The following CACNA2D1 variants were observed in gnomAD, a reference collection of about 807,000 sequenced individuals.
CACNA2D1 encodes calcium voltage-gated channel auxiliary subunit alpha2delta 1, also known as voltage-dependent calcium channel subunit alpha-2/delta-1.
A neutral mutation model predicts 171.5 loss-of-function variants in CACNA2D1; 53 were observed. The observed-to-expected ratio is 0.31, with a 90% CI of 0.25 to 0.39. The LOEUF is 0.39. Among genes scored for constraint, CACNA2D1 ranks in the 10% least tolerant of loss-of-function variants. The probability of loss-of-function intolerance (pLI) is 1.00; values close to 1 mark genes in which losing one functional copy is unlikely to be tolerated. For synonymous variants in CACNA2D1, 442 were observed against 443.1 expected (o/e 1.00, Z 0.03); for missense variants, 903 against 1,299.8 (o/e 0.69, Z 4.69).
At chr7:81,961,250 C>T (rs1307003515) in intron 36 of CACNA2D1, among the ~76,000 whole-genome samples, 1 of 151,978 alleles carries the variant, frequency 6.6e-6, no homozygotes, top group Non-Finnish European at 1.5e-5. Context: ...AAATCCCCAT[C>T]TTGCCTTTCT....
chr7:82,120,770 G>C lies in CACNA2D1; in HGVS notation c.397-3597C>G, dbSNP rs150232638. Among the ~76,000 whole-genome samples the C allele has an allele frequency of 8.0e-3, 1,215 of 151,554 alleles. 12 individuals carry two copies. Among genetic ancestry groups the C allele is most frequent in the African/African-American group, 0.028 (1,155 of 41,260 alleles). ...CATGCCTGTAGTCCCAGCTACTCGG[G>C]AGGCTGAGGCAGGAGAATCACTTGA... On this transcript the variant is annotated intron_variant, in intron 5 of 38. Transcript: ENST00000356860.
In CACNA2D1 at chr7:82,181,040, GATTT is replaced by G. The variant is rs1205063319; in HGVS notation, c.295-10435_295-10432del. Among the ~76,000 whole-genome samples the G allele has an allele frequency of 1.5e-4, 7 of 45,976 alleles. No individual in the cohort carries two copies. The East Asian group carries it at 3.0e-3, about 20-fold the overall frequency. The allele number at this position is 45,976 out of a possible 152,430, so 30.2% of individuals were successfully genotyped here. On this transcript the variant is annotated intron_variant, in intron 3 of 38. Transcript: ENST00000356860. ...TGGTCAGCAGCTGTGGGGCATGTCG[GATTT>G]TTTTTTTTTTTTTTTTTTTTTTTTT...
At chr7:82,353,035 A>C (rs1820034385) in intron 1 of CACNA2D1, among the ~76,000 whole-genome samples, 1 of 152,218 alleles carries the variant, frequency 6.6e-6, no homozygotes, top group Admixed American at 6.5e-5. Flanking sequence ...AAGATCATGT[A>C]AATGTATGTA....
intron 1 of CACNA2D1, among the ~76,000 whole-genome samples, chr7:82,375,085 G>A (rs1366752965): frequency 6.6e-6 from 1 of 152,070 alleles, no homozygotes; most frequent in East Asian, 1.9e-4. Flanking sequence ...AATTTCAAAT[G>A]AAAAATTGGC....
chr7:81,976,464 C>A (rs796270341), intron 24 of CACNA2D1, among the ~76,000 whole-genome samples: 2 of 152,170 alleles, frequency 1.3e-5, no homozygotes, highest in African/African-American at 4.8e-5. Flanking sequence ...TCACACACAT[C>A]CCTTTTAAGT....
chr7:82,321,994 CG>C (rs1298046936), intron 3 of CACNA2D1, among the ~76,000 whole-genome samples: 1 of 149,278 alleles, frequency 6.7e-6, no homozygotes, highest in African/African-American at 2.4e-5. Context: ...GGCGTAGTGG[CG>C]GGCGCCTGTA....
chr7:82,042,520 T>A lies in CACNA2D1; in HGVS notation c.880-4285A>T, dbSNP rs73379561. ...GTCAGAAATCCAAACTAACATCACA[T>A]TGATTCCTTTTCCAATCCCAGAAAA... On this transcript the variant is annotated intron_variant, in intron 10 of 38. Coordinates refer to ENST00000356860, the MANE Select transcript of CACNA2D1 (RefSeq NM_000722.4). Among the ~76,000 whole-genome samples, 281 of 152,240 alleles carry A rather than the reference T, an allele frequency of 1.8e-3. 1 individual carries two copies. The highest frequency in any genetic ancestry group is 6.5e-3 in the African/African-American group (270 of 41,560).
At chr7:82,316,891 A>G (rs117707146) in intron 3 of CACNA2D1, among the ~76,000 whole-genome samples, 104 of 152,278 alleles carry the variant, frequency 6.8e-4, no homozygotes, top group Non-Finnish European at 1.2e-3. Context: ...CCATGATTCA[A>G]TTATTTCCAC....
intron 3 of CACNA2D1, among the ~76,000 whole-genome samples, chr7:82,227,567 G>A (rs1301913140): frequency 6.6e-6 from 1 of 152,154 alleles, no homozygotes; most frequent in Admixed American, 6.6e-5. Flanking sequence ...CTAGAATGTA[G>A]AAGGGAAATT....
At chr7:81,954,068 A>G (rs1792920411) in intron 38 of CACNA2D1, among the ~76,000 whole-genome samples, 1 of 152,102 alleles carries the variant, frequency 6.6e-6, no homozygotes, top group South Asian at 2.1e-4. Flanking sequence ...GTGCAAGTCC[A>G]TGTAATGTAT....
intron 10 of CACNA2D1, among the ~76,000 whole-genome samples, chr7:82,042,118 T>C (rs901239479): frequency 1.3e-5 from 2 of 152,160 alleles, no homozygotes; most frequent in Non-Finnish European, 2.9e-5. Flanking sequence ...ACAAATAATG[T>C]ACAGAAAGGA....
At chr7:82,144,954 C>T (rs1486860013) in intron 4 of CACNA2D1, among the ~76,000 whole-genome samples, 2 of 151,844 alleles carry the variant, frequency 1.3e-5, no homozygotes, top group Non-Finnish European at 2.9e-5. Context: ...TCTCAGCATT[C>T]TTTCATACGA....
At chr7:82,305,718 T>A in intron 3 of CACNA2D1, among the ~76,000 whole-genome samples, 1 of 152,234 alleles carries the variant, frequency 6.6e-6, no homozygotes, top group East Asian at 1.9e-4. Flanking sequence ...TGTGCACAAA[T>A]AATAAATTTA....
At chr7:82,276,754 CTT>C (rs199823327) in intron 3 of CACNA2D1, among the ~76,000 whole-genome samples, 13 of 138,574 alleles carry the variant, frequency 9.4e-5, no homozygotes, top group Admixed American at 2.2e-4. Context: ...TTTTCTTTTT[CTT>C]TTTTTTTTTT....
intron 7 of CACNA2D1, among the ~76,000 whole-genome samples, chr7:82,067,772 T>C (rs776727243): frequency 6.6e-6 from 1 of 152,162 alleles, no homozygotes; most frequent in Non-Finnish European, 1.5e-5. Flanking sequence ...ACAAGCATGC[T>C]GATACACACA....
chr7:82,156,058 A>C (rs1421542214), intron 4 of CACNA2D1, among the ~76,000 whole-genome samples: 2 of 152,192 alleles, frequency 1.3e-5, no homozygotes, highest in Non-Finnish European at 2.9e-5. Flanking sequence ...ATGAATTTTT[A>C]TATCACCATA....
intron 6 of CACNA2D1, among the ~76,000 whole-genome samples, chr7:82,113,813 T>C (rs1788717195): frequency 6.6e-6 from 1 of 152,214 alleles, no homozygotes. Flanking sequence ...ATTCCTGTCA[T>C]TTATTCATGC....
intron 1 of CACNA2D1, among the ~76,000 whole-genome samples, chr7:82,435,548 AC>A (rs1830050057): frequency 6.6e-6 from 1 of 152,028 alleles, no homozygotes. Flanking sequence ...AAATCTCACA[AC>A]CACCAAGTCC....
chr7:81,973,261 T>A (rs186753441), intron 25 of CACNA2D1, among the ~76,000 whole-genome samples: 1 of 152,106 alleles, frequency 6.6e-6, no homozygotes, highest in East Asian at 1.9e-4. Flanking sequence ...TGACATAAAA[T>A]AACATTTCAA....
Sources: allele counts gnomAD v4.1 joint callset (sites outside exome capture counted in the v4.1 genomes callset), GRCh38; gene constraint gnomAD v4.1.1; transcripts MANE v1.5; gene names NCBI Gene and HGNC (gene_info 2026-07-23, HGNC 2026-07-21).